The following RBFOX1 variants were observed in gnomAD, a reference collection of about 807,000 sequenced individuals.
RBFOX1 encodes the protein RNA binding protein fox-1 homolog 1.
RBFOX1 carries 8 observed loss-of-function variants against 57.7 expected under a neutral mutation model. The observed-to-expected ratio is 0.14, with a 90% confidence interval of 0.08 to 0.25. RBFOX1 has a LOEUF of 0.25. RBFOX1 is among the 10% of genes least tolerant of loss of function. The pLI, the probability that RBFOX1 is intolerant of heterozygous loss-of-function variation, is 1.00. For missense variants in RBFOX1, 611 were observed against 548.5 expected, an observed-to-expected ratio of 1.11 and a Z score of -1.14; for synonymous variants, 326 against 222.4, an observed-to-expected ratio of 1.47 and a Z score of -4.15.
chr16:6,197,329 C>T (rs2097186272), intron 1 of RBFOX1, among the ~76,000 whole-genome samples: 1 of 152,098 alleles, frequency 6.6e-6, no homozygotes, highest in Non-Finnish European at 1.5e-5. Flanking sequence ...CCACTGACCC[C>T]TGGACACCCT....
chr16:5,587,434 C>T (rs1263256356), intron 2 of RBFOX1, among the ~76,000 whole-genome samples: 14 of 152,194 alleles, frequency 9.2e-5, no homozygotes. Context: ...ATAATTGGGC[C>T]TGGTGCGGTC....
chr16:6,642,597 A>C (rs78288280), intron 2 of RBFOX1, among the ~76,000 whole-genome samples: 3 of 151,542 alleles, frequency 2.0e-5, no homozygotes, highest in African/African-American at 4.9e-5. Flanking sequence ...ACCACACTCC[A>C]AAAAAAAAGT....
At chr16:5,842,503 G>T (rs758569647) in intron 3 of RBFOX1, among the ~76,000 whole-genome samples, 1 of 152,162 alleles carries the variant, frequency 6.6e-6, no homozygotes, top group East Asian at 1.9e-4. Context: ...TGTCATTTCA[G>T]TCCCTAAGTG....
intron 2 of RBFOX1, among the ~76,000 whole-genome samples, chr16:6,653,196 A>G (rs189288490): frequency 2.0e-4 from 31 of 152,266 alleles, no homozygotes; most frequent in Non-Finnish European, 3.1e-4. Context: ...AAAAAAATCA[A>G]CATCAACATC....
intron 1 of RBFOX1, among the ~76,000 whole-genome samples, chr16:6,222,405 A>G (rs1348102821): frequency 6.6e-6 from 1 of 152,064 alleles, no homozygotes; most frequent in Non-Finnish European, 1.5e-5. Context: ...AGAGTGATGT[A>G]CGTTTTCCCT....
intron 5 of RBFOX1, among the ~76,000 whole-genome samples, chr16:7,542,847 GGAGAGGGAGAAAGA>G (rs1567746163): frequency 4.9e-4 from 5 of 10,204 alleles, no homozygotes; most frequent in African/African-American, 1.6e-3. Context: ...GGAGAGAGAA[GGAGAGGGAGAAAGA>G]GGGAAAGGGA....
At chr16:7,604,912 C>T (rs2095224045) in intron 9 of RBFOX1, among the ~76,000 whole-genome samples, 1 of 152,012 alleles carries the variant, frequency 6.6e-6, no homozygotes, top group Admixed American at 6.5e-5. Context: ...ATCTCCACTA[C>T]CAATAAGAGG....
intron 2 of RBFOX1, among the ~76,000 whole-genome samples, chr16:6,435,618 A>G (rs774073348): frequency 3.3e-5 from 5 of 152,136 alleles, no homozygotes; most frequent in Non-Finnish European, 5.9e-5. Context: ...TTCGTTTTAT[A>G]TAGCATCTAC....
At chr16:6,740,319 A>G (rs774377815) in intron 3 of RBFOX1, among the ~76,000 whole-genome samples, 8 of 152,244 alleles carry the variant, frequency 5.3e-5, no homozygotes, top group Non-Finnish European at 4.4e-5. Context: ...ATAATGGTAC[A>G]AATGAATGAT....
chr16:5,605,706 C>T (rs1010156817), intron 3 of RBFOX1, among the ~76,000 whole-genome samples: 3 of 150,882 alleles, frequency 2.0e-5, no homozygotes, highest in Non-Finnish European at 4.4e-5. Flanking sequence ...ATGTCTACCT[C>T]AGGTCTAGGA....
intron 3 of RBFOX1, among the ~76,000 whole-genome samples, chr16:5,689,436 G>T (rs185542012): frequency 6.6e-6 from 1 of 152,258 alleles, no homozygotes; most frequent in East Asian, 1.9e-4. Flanking sequence ...GATGAGGGTG[G>T]GGAAAGCGGA....
intron 3 of RBFOX1, among the ~76,000 whole-genome samples, chr16:6,711,132 A>C (rs2063637104): frequency 6.6e-6 from 1 of 152,194 alleles, no homozygotes; most frequent in African/African-American, 2.4e-5. Context: ...CTGCTGCAGG[A>C]AATCATGTTG....
intron 3 of RBFOX1, among the ~76,000 whole-genome samples, chr16:7,025,820 C>G (rs1448736856): frequency 1.3e-5 from 2 of 152,110 alleles, no homozygotes; most frequent in Non-Finnish European, 2.9e-5. Flanking sequence ...ACTGGAGCAG[C>G]CATATCTGAC....
Position 7,113,809 on chromosome 16 carries a change from C to T in RBFOX1, c.27+61711C>T, listed in dbSNP as rs964614810. On this transcript the variant is annotated intron_variant, in intron 4 of 15. Transcript: ENST00000550418. ...GATGATGGGCATTAAAGTTCCCTCCCGTGCTGATGGACATTAAAGTGGCCT... is the reference window on the plus strand; with the variant it reads ...GATGATGGGCATTAAAGTTCCCTCCTGTGCTGATGGACATTAAAGTGGCCT... Among the ~76,000 whole-genome samples, 6 of 152,062 alleles carry T rather than the reference C, an allele frequency of 3.9e-5. No individual in the cohort carries two copies. The East Asian group carries it at 7.7e-4, about 20-fold the overall frequency.
chr16:5,927,804 G>C (rs1180066814), intron 4 of RBFOX1, among the ~76,000 whole-genome samples: 1 of 152,054 alleles, frequency 6.6e-6, no homozygotes, highest in East Asian at 1.9e-4. Context: ...TGACAAAATG[G>C]GTAAACCTGG....
intron 1 of RBFOX1, among the ~76,000 whole-genome samples, chr16:5,435,957 A>G (rs2067905705): frequency 6.6e-6 from 1 of 152,228 alleles, no homozygotes; most frequent in African/African-American, 2.4e-5. Flanking sequence ...TTCCTTAGGA[A>G]TTTGAAGTCT....
chr16:5,650,531 C>G (rs1008912271), intron 3 of RBFOX1, among the ~76,000 whole-genome samples: 1 of 152,166 alleles, frequency 6.6e-6, no homozygotes, highest in African/African-American at 2.4e-5. Context: ...TCAATTCATT[C>G]TTTGGCTTTG....
At chr16:6,304,513 C>T (rs896668589) in intron 1 of RBFOX1, among the ~76,000 whole-genome samples, 5 of 152,038 alleles carry the variant, frequency 3.3e-5, no homozygotes, top group Admixed American at 3.3e-4. Flanking sequence ...ACTATCTTCC[C>T]TACAGAGCCG....
intron 4 of RBFOX1, among the ~76,000 whole-genome samples, chr16:7,180,159 A>G (rs1280588555): frequency 6.6e-6 from 1 of 151,994 alleles, no homozygotes; most frequent in African/African-American, 2.4e-5. Context: ...GCCTTGCAGA[A>G]CTATTATTAT....
Sources: gnomAD v4.1 joint callset for allele counts (sites outside exome capture counted in the v4.1 genomes callset) on GRCh38, gnomAD v4.1.1 for gene constraint, MANE v1.5 for transcripts, NCBI Gene and HGNC (gene_info 2026-07-23, HGNC 2026-07-21) for gene names.